The following RABEP1 variants were observed in gnomAD, a reference collection of about 807,000 sequenced individuals.
The protein encoded by RABEP1 is rab GTPase-binding effector protein 1.
RABEP1 carries 51 observed loss-of-function variants against 123.4 expected under a neutral mutation model. That is an observed-to-expected ratio of 0.41 (90% CI 0.33 to 0.52). The LOEUF is 0.52. RABEP1 is among the 20% of genes least tolerant of loss of function. The probability of loss-of-function intolerance (pLI) is 0.16; values close to 1 mark genes in which losing one functional copy is unlikely to be tolerated. For missense variants in RABEP1, 888 were observed against 996.3 expected (o/e 0.89, Z 1.46); for synonymous variants, 347 against 355.2 (o/e 0.98, Z 0.26).
intron 2 of RABEP1, among the ~76,000 whole-genome samples, chr17:5,328,452 C>A (rs774040884): frequency 6.7e-5 from 10 of 150,146 alleles, no homozygotes; most frequent in Non-Finnish European, 1.3e-4. Context: ...GGAGACTAGC[C>A]TGGGCAGCAT....
intron 8 of RABEP1, among the ~76,000 whole-genome samples, chr17:5,356,088 G>C (rs1208276461): frequency 6.6e-6 from 1 of 152,202 alleles, no homozygotes; most frequent in African/African-American, 2.4e-5. Flanking sequence ...GTGTTTTGCA[G>C]TTTGAATGTT....
intron 1 of RABEP1, among the ~76,000 whole-genome samples, chr17:5,296,459 A>AT (rs1189760942): frequency 6.6e-6 from 1 of 151,986 alleles, no homozygotes; most frequent in East Asian, 1.9e-4. Context: ...CTGGGTTTCT[A>AT]CATGTTGATG....
At chr17:5,358,672 G>GA (rs10638024) in intron 8 of RABEP1, among the ~76,000 whole-genome samples, 99 of 142,088 alleles carry the variant, frequency 7.0e-4, no homozygotes, top group East Asian at 1.0e-3. Flanking sequence ...CTGTCTCCAG[G>GA]AAAAAAAAAA....
rs10792 is a variant in RABEP1, at chr17:5,384,859, A to T, written c.*1636A>T. On this transcript the variant is annotated 3_prime_UTR_variant, in exon 18 of 18. Transcript: ENST00000537505. The stretch of plus-strand genomic sequence containing the variant: ...TGAGTTACAGGGGATTTTATTAATT[A>T]TAAAATGCAATCAATTTAAATTACG... 65,591 of 218,380 alleles carry T rather than the reference A, an allele frequency of 0.3. 11,074 individuals carry two copies. Among genetic ancestry groups the T allele is most frequent in the East Asian group, 0.56 (8,014 of 14,294 alleles). The allele number at this position is 218,380 out of a possible 1,614,324, so 13.5% of individuals were successfully genotyped here.
intron 2 of RABEP1, among the ~76,000 whole-genome samples, chr17:5,322,673 A>G (rs1905498327): frequency 6.6e-6 from 1 of 152,240 alleles, no homozygotes; most frequent in Admixed American, 6.5e-5. Flanking sequence ...AACATATTAA[A>G]AAGATCAGCC....
At chr17:5,288,822 GC>G (rs1212583176) in intron 1 of RABEP1, among the ~76,000 whole-genome samples, 1 of 152,164 alleles carries the variant, frequency 6.6e-6, no homozygotes, top group African/African-American at 2.4e-5. Flanking sequence ...TCGTGCCTCA[GC>G]CCCTCAAGTA....
intron 1 of RABEP1, among the ~76,000 whole-genome samples, chr17:5,305,561 G>T (rs1403635693): frequency 1.3e-5 from 2 of 152,106 alleles, no homozygotes; most frequent in Non-Finnish European, 2.9e-5. Context: ...GTGCATTTTG[G>T]TAGAAGGTAG....
chr17:5,337,777 G>A (rs1907234092), intron 4 of RABEP1, among the ~76,000 whole-genome samples: 1 of 151,990 alleles, frequency 6.6e-6, no homozygotes, highest in African/African-American at 2.4e-5. Flanking sequence ...ATTTGTTTTA[G>A]TGAATCAATT....
intron 1 of RABEP1, among the ~76,000 whole-genome samples, chr17:5,298,739 T>C (rs1449324652): frequency 6.7e-6 from 1 of 149,532 alleles, no homozygotes; most frequent in Non-Finnish European, 1.5e-5. Flanking sequence ...CACTGTAACC[T>C]CCGCCTCCCG....
Position 5,299,719 on chromosome 17 carries a change from C to CTTTTTTTTTTTTTTTTTTT in RABEP1, c.35-8970_35-8969insTTTTTTTTTTTTTTTTTTT, listed in dbSNP as rs146585957. ...TCATTTCTTTTTCTTTTTTTCTTTT[C>CTTTTTTTTTTTTTTTTTTT]TTTTTCTTTTTCTTTTTTTTTTTTT... On this transcript the variant is annotated intron_variant, in intron 1 of 17. Coordinates refer to ENST00000537505, the MANE Select transcript of RABEP1 (RefSeq NM_004703.6). 9.6e-4 allele frequency among the ~76,000 whole-genome samples: 95 copies of CTTTTTTTTTTTTTTTTTTT among 98,816 alleles called. 6 individuals are homozygous for CTTTTTTTTTTTTTTTTTTT. The highest frequency in any genetic ancestry group is 2.3e-3 in the African/African-American group (61 of 26,498). 64.8% of individuals were successfully genotyped at this position (98,816 alleles called of 152,430 possible).
At chr17:5,370,518 C>G (rs1477981644) in intron 12 of RABEP1, among the ~76,000 whole-genome samples, 2 of 152,172 alleles carry the variant, frequency 1.3e-5, no homozygotes, top group Non-Finnish European at 2.9e-5. Flanking sequence ...CACTTTTCAT[C>G]TAGAACAGTC....
intron 1 of RABEP1, among the ~76,000 whole-genome samples, chr17:5,307,372 A>G (rs2075188868): frequency 6.6e-6 from 1 of 152,218 alleles, no homozygotes; most frequent in Admixed American, 6.5e-5. Flanking sequence ...TAGATAAATC[A>G]TTGGTACATT....
In RABEP1 at chr17:5,380,351, TCC is replaced by T; in HGVS notation, c.2272-12_2272-11del. On this transcript the variant is annotated splice_polypyrimidine_tract_variant and intron_variant, in intron 15 of 17. Transcript: ENST00000537505. ...GGAGTTTCTGTGAGTTTCAGCTTTTTCCTTTTTCACAGTTGGAGTCCACATTA... is the reference window on the plus strand; with the variant it reads ...GGAGTTTCTGTGAGTTTCAGCTTTTTTTTTTCACAGTTGGAGTCCACATTA... 2.6e-6 allele frequency: 4 copies of T among 1,527,396 alleles called. No individual in the cohort carries two copies. Among genetic ancestry groups the T allele is most frequent in the Non-Finnish European group, 3.5e-6 (4 of 1,127,132 alleles). The allele number at this position is 1,527,396 out of a possible 1,614,324, so 94.6% of individuals were successfully genotyped here.
intron 5 of RABEP1, among the ~76,000 whole-genome samples, chr17:5,340,607 T>C (rs1032090324): frequency 1.4e-5 from 2 of 147,374 alleles, no homozygotes; most frequent in Non-Finnish European, 3.0e-5. Flanking sequence ...AATTACAAAA[T>C]ATTTAGAATG....
chr17:5,352,865 T>C (rs1480355782), intron 7 of RABEP1, among the ~76,000 whole-genome samples: 2 of 152,172 alleles, frequency 1.3e-5, no homozygotes, highest in Non-Finnish European at 2.9e-5. Context: ...GTCTAAACTT[T>C]ACTAAGATGA....
rs769358037 is a variant in RABEP1 at position 5,338,135 on chromosome 17, A to G, written c.645A>G (p.Ser215=). 1 of 1,610,782 alleles carries G rather than the reference A, an allele frequency of 6.2e-7. No individual in the cohort carries two copies. The highest frequency in any genetic ancestry group is 8.5e-7 in the Non-Finnish European group (1 of 1,178,584). Reference sequence around the variant, plus strand: ...ACAAAATTAAAGAGCTGGAGGCCTCAAAGGTTATGAAACATTGTAATCCAT... The same window carrying G: ...ACAAAATTAAAGAGCTGGAGGCCTCGAAGGTTATGAAACATTGTAATCCAT... The part of the protein sequence containing the change: ...AEDKIKELEA[S]KVKELNHYLE... Residue 215 remains serine, a synonymous_variant, in exon 5 of 18, where the codon TCA becomes TCG. Transcript: ENST00000537505.
chr17:5,361,650 C>G lies in RABEP1; in HGVS notation c.1538C>G (p.Thr513Arg). 1.2e-6 allele frequency: 2 copies of G among 1,608,792 alleles called. No individual in the cohort carries two copies. The highest frequency in any genetic ancestry group is 1.7e-6 in the Non-Finnish European group (2 of 1,178,044). Residue 513 changes from threonine to arginine, a missense_variant, in exon 9 of 18, where the codon ACA (threonine) becomes AGA (arginine). Transcript: ENST00000537505. ...SPSGYRLVSE[T>R]EWNLLQKEVH... ...AGTGGTTATCGTTTAGTTAGTGAAA[C>G]AGAATGGAATCTCTTGCAGAAAGAG...
At chr17:5,376,938 C>T (rs570928812) in intron 13 of RABEP1, among the ~76,000 whole-genome samples, 178 bp from the exon 14 acceptor site, 14 of 152,246 alleles carry the variant, frequency 9.2e-5, no homozygotes, top group African/African-American at 3.4e-4. Flanking sequence ...TTTTCTATAA[C>T]ATACTGAATG....
At chr17:5,328,371 G>A (rs573200810) in intron 2 of RABEP1, among the ~76,000 whole-genome samples, 1 of 152,208 alleles carries the variant, frequency 6.6e-6, no homozygotes, top group Non-Finnish European at 1.5e-5. Flanking sequence ...TAGGCCAGGC[G>A]TAGTAGCTCA....
Sources: allele counts gnomAD v4.1 joint callset (sites outside exome capture counted in the v4.1 genomes callset), GRCh38; gene constraint gnomAD v4.1.1; transcripts MANE v1.5; gene names NCBI Gene and HGNC (gene_info 2026-07-23, HGNC 2026-07-21).